The following EXOC6B variants were observed in gnomAD, a reference collection of about 807,000 sequenced individuals.
The protein encoded by EXOC6B is exocyst complex component 6B, also known as SEC15 homolog B.
Under a neutral mutation model 113.5 loss-of-function variants are expected in EXOC6B, and 54 were observed. That is an observed-to-expected ratio of 0.48 (90% CI 0.38 to 0.60). EXOC6B has a LOEUF of 0.60. Ranked by LOEUF, EXOC6B falls within the 20% of genes least tolerant of loss-of-function variation. The probability of loss-of-function intolerance (pLI) is 0.00; values close to 1 mark genes in which losing one functional copy is unlikely to be tolerated. For synonymous variants in EXOC6B, 357 were observed against 339.0 expected (o/e 1.05, Z -0.58); for missense variants, 797 against 977.5 (o/e 0.82, Z 2.46).
intron 6 of EXOC6B, among the ~76,000 whole-genome samples, chr2:72,653,130 G>C (rs997251067): frequency 6.6e-6 from 1 of 151,450 alleles, no homozygotes; most frequent in Non-Finnish European, 1.5e-5. Flanking sequence ...GGCTCTATTC[G>C]CAATAGCAAA....
chr2:72,340,468 T>C (rs985968902), intron 19 of EXOC6B, among the ~76,000 whole-genome samples: 1 of 152,066 alleles, frequency 6.6e-6, no homozygotes, highest in Non-Finnish European at 1.5e-5. Flanking sequence ...AAAAATAACT[T>C]GTTCAAATAA....
At chr2:72,352,700 A>T (rs1004955551) in intron 19 of EXOC6B, among the ~76,000 whole-genome samples, 3 of 151,344 alleles carry the variant, frequency 2.0e-5, no homozygotes, top group Non-Finnish European at 4.4e-5. Context: ...TCTTACTTAA[A>T]AAAAAAAAGA....
chr2:72,783,318 C>CTTTTTTTTTTTTTTTTTTTTTT (rs70963146), intron 1 of EXOC6B, among the ~76,000 whole-genome samples: 3 of 60,412 alleles, frequency 5.0e-5, no homozygotes, highest in Non-Finnish European at 8.5e-5. Context: ...TTTTTCTTTT[C>CTTTTTTTTTTTTTTTTTTTTTT]TTTTTTTTTT....
intron 6 of EXOC6B, among the ~76,000 whole-genome samples, chr2:72,613,014 G>A (rs1284360980): frequency 6.6e-6 from 1 of 152,124 alleles, no homozygotes; most frequent in Non-Finnish European, 1.5e-5. Flanking sequence ...TTTCTGGGAT[G>A]GGTGAGAGAG....
intron 6 of EXOC6B, among the ~76,000 whole-genome samples, chr2:72,638,939 C>T (rs1359128088): frequency 2.6e-5 from 4 of 152,172 alleles, no homozygotes; most frequent in Admixed American, 6.5e-5. Flanking sequence ...AGCCTGGCCA[C>T]GCCTCCTTGC....
chr2:72,401,756 T>C (rs1693349023), intron 18 of EXOC6B, among the ~76,000 whole-genome samples: 1 of 139,336 alleles, frequency 7.2e-6, no homozygotes, highest in Non-Finnish European at 1.5e-5. Flanking sequence ...TAAGTGAAAT[T>C]ACTCAGAAAC....
intron 7 of EXOC6B, among the ~76,000 whole-genome samples, chr2:72,565,349 TAA>T (rs10672375): frequency 2.0e-4 from 9 of 45,144 alleles, no homozygotes; most frequent in Admixed American, 2.6e-4. Context: ...AGACCCTGTC[TAA>T]AAAAAAAAAA....
At chr2:72,490,680 A>G (rs1349212932) in intron 16 of EXOC6B, among the ~76,000 whole-genome samples, 2 of 152,198 alleles carry the variant, frequency 1.3e-5, no homozygotes, top group Admixed American at 6.6e-5. Context: ...TGACTAAGGA[A>G]TAACATTTAG....
chr2:72,312,944 C>T (rs943598831), intron 20 of EXOC6B, among the ~76,000 whole-genome samples: 17 of 152,106 alleles, frequency 1.1e-4, no homozygotes, highest in African/African-American at 3.6e-4. Flanking sequence ...ATTCTAACCT[C>T]CTCTTTAATG....
At chr2:72,335,348 T>C (rs1303954412) in intron 19 of EXOC6B, 2 of 196,472 alleles carry the variant, frequency 1.0e-5, no homozygotes, top group African/African-American at 4.7e-5. Context: ...AGAAAAAAGT[T>C]TTTCCTCTCA....
chr2:72,198,033 T>C (rs1412740441), intron 20 of EXOC6B, among the ~76,000 whole-genome samples: 1 of 152,178 alleles, frequency 6.6e-6, no homozygotes, highest in East Asian at 1.9e-4. Flanking sequence ...GCCTCTCACA[T>C]TCCCAGAGCG....
At chr2:72,792,851 C>G (rs1573805459) in intron 1 of EXOC6B, among the ~76,000 whole-genome samples, 1 of 152,132 alleles carries the variant, frequency 6.6e-6, no homozygotes, top group African/African-American at 2.4e-5. Flanking sequence ...CTTTCTTATT[C>G]TCCTTTATAT....
At chr2:72,286,938 A>G (rs999582688) in intron 20 of EXOC6B, among the ~76,000 whole-genome samples, 4 of 152,184 alleles carry the variant, frequency 2.6e-5, no homozygotes, top group African/African-American at 9.6e-5. Context: ...GTTGAATGCT[A>G]AAAAGAAAAA....
intron 6 of EXOC6B, among the ~76,000 whole-genome samples, chr2:72,694,118 T>C (rs1432636060): frequency 6.6e-6 from 1 of 152,140 alleles, no homozygotes; most frequent in Non-Finnish European, 1.5e-5. Flanking sequence ...TGGATACAAA[T>C]TTTCTGCTTT....
intron 19 of EXOC6B, among the ~76,000 whole-genome samples, chr2:72,343,965 T>C (rs1277811687): frequency 6.6e-6 from 1 of 152,154 alleles, no homozygotes; most frequent in East Asian, 1.9e-4. Flanking sequence ...CATGTTTATA[T>C]TCATATCTTT....
intron 20 of EXOC6B, among the ~76,000 whole-genome samples, chr2:72,274,748 G>A (rs996095321): frequency 1.2e-4 from 19 of 152,082 alleles, no homozygotes; most frequent in African/African-American, 4.1e-4. Flanking sequence ...AGCCATTTTG[G>A]ATTATTATTC....
At chr2:72,707,094 G>A (rs760740279) in intron 6 of EXOC6B, among the ~76,000 whole-genome samples, 4 of 152,156 alleles carry the variant, frequency 2.6e-5, no homozygotes, top group Non-Finnish European at 5.9e-5. Flanking sequence ...TACCCCAGAC[G>A]TCTTGGGGAC....
chr2:72,402,317 T>C (rs1266631498), intron 18 of EXOC6B, among the ~76,000 whole-genome samples: 2 of 152,214 alleles, frequency 1.3e-5, no homozygotes, highest in Non-Finnish European at 2.9e-5. Context: ...TTGTCCTTAA[T>C]AAAATGTTTA....
chr2:72,284,453 A>C (rs1467821216), intron 20 of EXOC6B, among the ~76,000 whole-genome samples: 2 of 152,076 alleles, frequency 1.3e-5, no homozygotes, highest in Admixed American at 1.3e-4. Context: ...CCCTCAACAC[A>C]GTAGGAAAAG....
Sources: gnomAD v4.1 joint callset for allele counts (sites outside exome capture counted in the v4.1 genomes callset) on GRCh38, gnomAD v4.1.1 for gene constraint, MANE v1.5 for transcripts, NCBI Gene and HGNC (gene_info 2026-07-23, HGNC 2026-07-21) for gene names.